Variants in ZNF385D observed in about 807,000 individuals in gnomAD.
ZNF385D encodes the protein zinc finger protein 659.
A neutral mutation model predicts 35.8 loss-of-function variants in ZNF385D; 15 were observed. The ratio of observed to expected loss-of-function variants is 0.42; its 90% CI spans 0.28 to 0.64. ZNF385D has a LOEUF of 0.64. ZNF385D is among the 30% of genes least tolerant of loss of function. The probability of loss-of-function intolerance (pLI) is 0.23; values close to 1 mark genes in which losing one functional copy is unlikely to be tolerated. For missense variants in ZNF385D, 474 were observed against 494.6 expected (o/e 0.96, Z 0.39); for synonymous variants, 212 against 186.8 (o/e 1.13, Z -1.10).
At chr3:22,358,087 T>C (rs944292279) in intron 2 of ZNF385D, among the ~76,000 whole-genome samples, 4 of 151,900 alleles carry the variant, frequency 2.6e-5, no homozygotes, top group Admixed American at 1.3e-4. Context: ...TAAATATTTG[T>C]CGAATGAATA....
intron 3 of ZNF385D, among the ~76,000 whole-genome samples, chr3:21,977,413 T>C (rs1477455772): frequency 2.6e-5 from 4 of 152,100 alleles, no homozygotes; most frequent in Non-Finnish European, 4.4e-5. Flanking sequence ...CCTCTGAATA[T>C]TGGTTGTATT....
At chr3:21,574,938 G>C (rs763047848) in intron 2 of ZNF385D, among the ~76,000 whole-genome samples, 1 of 151,654 alleles carries the variant, frequency 6.6e-6, no homozygotes, top group Non-Finnish European at 1.5e-5. Context: ...GGAGATCTAG[G>C]GATAGGACTA....
intron 2 of ZNF385D, among the ~76,000 whole-genome samples, chr3:22,315,687 T>A (rs1703848564): frequency 6.6e-6 from 1 of 152,214 alleles, no homozygotes; most frequent in Non-Finnish European, 1.5e-5. Context: ...GACAGAAGTC[T>A]ACCATGGCTG....
chr3:22,018,282 AATT>A (rs1301491370), intron 3 of ZNF385D, among the ~76,000 whole-genome samples: 1 of 151,678 alleles, frequency 6.6e-6, no homozygotes, highest in Non-Finnish European at 1.5e-5. Context: ...TCATTTAAAA[AATT>A]ATATTCTTTA....
chr3:22,014,953 A>G (rs1485627731), intron 3 of ZNF385D, among the ~76,000 whole-genome samples: 3 of 152,156 alleles, frequency 2.0e-5, no homozygotes, highest in Non-Finnish European at 2.9e-5. Context: ...ATATTTGAGG[A>G]GTGAATTAGA....
intron 3 of ZNF385D, among the ~76,000 whole-genome samples, chr3:22,148,051 GGC>G (rs1375417371): frequency 1.3e-5 from 2 of 152,076 alleles, no homozygotes; most frequent in African/African-American, 4.8e-5. Flanking sequence ...GTTTGATTGT[GGC>G]TTATTTTTAG....
At chr3:21,588,947 T>C (rs2063892370) in intron 2 of ZNF385D, among the ~76,000 whole-genome samples, 1 of 152,168 alleles carries the variant, frequency 6.6e-6, no homozygotes, top group Non-Finnish European at 1.5e-5. Context: ...TGAGCATTTA[T>C]TATGTGCTAG....
rs889836612 is a variant in ZNF385D at position 21,417,008 on chromosome 3, G to A, written c.*4206C>T. The stretch of plus-strand genomic sequence containing the variant: ...CATATCTTACATGATGTTGGCATAA[G>A]TGCGATCATAATAAGTGAGTACTAA... On this transcript the variant is annotated 3_prime_UTR_variant, in exon 8 of 8. Coordinates refer to ENST00000281523, the MANE Select transcript of ZNF385D (RefSeq NM_024697.3). The A allele has an allele frequency of 1.3e-5, 2 of 152,056 alleles. No individual in the cohort carries two copies. The highest frequency in any genetic ancestry group is 6.6e-5 in the Admixed American group (1 of 15,250). The allele number at this position is 152,056 out of a possible 1,614,324, so 9.4% of individuals were successfully genotyped here.
intron 2 of ZNF385D, among the ~76,000 whole-genome samples, chr3:22,364,097 A>G (rs1459573634): frequency 6.6e-6 from 1 of 152,072 alleles, no homozygotes; most frequent in Non-Finnish European, 1.5e-5. Flanking sequence ...TTATTTCATA[A>G]TCATTCTAGG....
intron 2 of ZNF385D, among the ~76,000 whole-genome samples, chr3:21,633,682 A>C (rs2065345795): frequency 6.6e-6 from 1 of 152,114 alleles, no homozygotes; most frequent in South Asian, 2.1e-4. Flanking sequence ...ATTCATTATG[A>C]TTCTCAAAGG....
At chr3:22,325,298 G>C (rs1282963782) in intron 2 of ZNF385D, among the ~76,000 whole-genome samples, 2 of 152,158 alleles carry the variant, frequency 1.3e-5, no homozygotes, top group African/African-American at 4.8e-5. Context: ...GTAATATTGG[G>C]GAACACTGAA....
At chr3:22,206,109 C>T (rs1697133082) in intron 2 of ZNF385D, among the ~76,000 whole-genome samples, 1 of 151,678 alleles carries the variant, frequency 6.6e-6, no homozygotes, top group Admixed American at 6.6e-5. Flanking sequence ...AAATGGTAAC[C>T]ATAAAAAGGC....
intron 3 of ZNF385D, among the ~76,000 whole-genome samples, chr3:22,068,184 G>C (rs1431570300): frequency 2.6e-5 from 4 of 152,096 alleles, no homozygotes; most frequent in Non-Finnish European, 1.5e-5. Context: ...TTCTTTATTA[G>C]TTGTAACATT....
intron 2 of ZNF385D, among the ~76,000 whole-genome samples, chr3:21,593,071 C>T (rs373468636): frequency 2.0e-5 from 3 of 152,240 alleles, no homozygotes; most frequent in African/African-American, 7.2e-5. Context: ...GGAATAATAG[C>T]TTCAGGTCAC....
At chr3:22,009,250 G>A (rs1696411552) in intron 3 of ZNF385D, among the ~76,000 whole-genome samples, 1 of 151,450 alleles carries the variant, frequency 6.6e-6, no homozygotes. Flanking sequence ...AAATTGTAAT[G>A]AATATCCATA....
At chr3:22,372,575 G>T (rs1329086324) in exon 2 of ZNF385D, 1 of 982,372 alleles carries the variant, frequency 1.0e-6, no homozygotes, top group Non-Finnish European at 1.2e-6. Flanking sequence ...GCAGCCGCCG[G>T]GGCTGGCTGT....
chr3:21,521,038 C>T (rs950468766), intron 3 of ZNF385D, among the ~76,000 whole-genome samples: 1 of 152,114 alleles, frequency 6.6e-6, no homozygotes, highest in African/African-American at 2.4e-5. Context: ...GAAGGTCTTC[C>T]CTCTATAGTT....
intron 3 of ZNF385D, among the ~76,000 whole-genome samples, chr3:22,162,789 A>G (rs375592731): frequency 2.0e-4 from 30 of 152,292 alleles, no homozygotes; most frequent in African/African-American, 4.8e-4. Flanking sequence ...TGACCTCTCT[A>G]TGGTCAATTG....
intron 2 of ZNF385D, among the ~76,000 whole-genome samples, chr3:22,309,105 C>T (rs987616126): frequency 2.0e-5 from 3 of 152,002 alleles, no homozygotes; most frequent in Non-Finnish European, 2.9e-5. Flanking sequence ...CCAAGATATT[C>T]CACTAACGAA....
Sources: gnomAD v4.1 joint callset for allele counts (sites outside exome capture counted in the v4.1 genomes callset) on GRCh38, gnomAD v4.1.1 for gene constraint, MANE v1.5 for transcripts, NCBI Gene and HGNC (gene_info 2026-07-23, HGNC 2026-07-21) for gene names.